Variants in PAM observed in about 807,000 individuals in gnomAD.
The protein encoded by PAM is peptidylglycine alpha-amidating monooxygenase.
Under a neutral mutation model 122.1 loss-of-function variants are expected in PAM, and 72 were observed. The observed-to-expected ratio is 0.59, with a 90% confidence interval of 0.49 to 0.72. The LOEUF (loss-of-function observed/expected upper bound fraction) is 0.72. Ranked by LOEUF, PAM falls within the 30% of genes least tolerant of loss-of-function variation. The probability of loss-of-function intolerance (pLI) is 0.00; values close to 1 mark genes in which losing one functional copy is unlikely to be tolerated. For synonymous variants in PAM, 389 were observed against 404.4 expected (o/e 0.96, Z 0.46); for missense variants, 1,106 against 1,183.7 (o/e 0.93, Z 0.96).
intron 15 of PAM, chr5:102,989,749 G>T (rs1169517493): frequency 6.6e-6 from 1 of 151,310 alleles, no homozygotes; most frequent in South Asian, 2.1e-4. Context: ...TTTATTATGG[G>T]GGCTATTTTA....
chr5:102,791,695 C>T (rs1027485069), intron 1 of PAM, among the ~76,000 whole-genome samples: 4 of 152,014 alleles, frequency 2.6e-5, no homozygotes, highest in Non-Finnish European at 4.4e-5. Context: ...AGATAGCTAA[C>T]TTTATTTGGG....
At chr5:102,919,005 C>G (rs1746425440) in intron 5 of PAM, among the ~76,000 whole-genome samples, 1 of 151,866 alleles carries the variant, frequency 6.6e-6, no homozygotes, top group African/African-American at 2.4e-5. Flanking sequence ...CTTAACAAAC[C>G]AAAGATGGCT....
chr5:102,907,548 C>G (rs1561843992), intron 4 of PAM, among the ~76,000 whole-genome samples: 2 of 151,114 alleles, frequency 1.3e-5, no homozygotes, highest in South Asian at 4.2e-4. Flanking sequence ...AATTGCCACA[C>G]TGACTTCCAC....
chr5:102,814,595 T>A (rs1644259), intron 1 of PAM, among the ~76,000 whole-genome samples: 43 of 141,554 alleles, frequency 3.0e-4, no homozygotes, highest in South Asian at 2.9e-3. Context: ...ACATATATAT[T>A]GATATATACA....
chr5:102,855,388 A>AT lies in PAM; in HGVS notation c.-373-10431dup, dbSNP rs537442486. 2.6e-3 allele frequency among the ~76,000 whole-genome samples: 389 copies of AT among 152,000 alleles called. 2 individuals carry two copies. The highest frequency in any genetic ancestry group is 8.9e-3 in the African/African-American group (369 of 41,476). On this transcript the variant is annotated intron_variant, in intron 1 of 25. Transcript: ENST00000438793. ...ATAATAGGAAAGAGTGTGTTTATGC[A>AT]TTTTGTTGTACAAATTTGAACATTT...
chr5:102,827,179 C>T (rs1773912594), intron 1 of PAM, among the ~76,000 whole-genome samples: 1 of 152,182 alleles, frequency 6.6e-6, no homozygotes, highest in African/African-American at 2.4e-5. Context: ...ATGCATTGAG[C>T]ATTCTTAATC....
chr5:102,930,722 A>G (rs186835569), intron 7 of PAM, among the ~76,000 whole-genome samples: 13 of 152,336 alleles, frequency 8.5e-5, no homozygotes, highest in African/African-American at 3.1e-4. Flanking sequence ...GGGCTTGAGT[A>G]CATGGAAAAG....
At chr5:102,992,529 T>C (rs1206216712) in intron 16 of PAM, among the ~76,000 whole-genome samples, 1 of 152,138 alleles carries the variant, frequency 6.6e-6, no homozygotes, top group Non-Finnish European at 1.5e-5. Context: ...AAGAACAAAT[T>C]AGATTCAGGC....
intron 4 of PAM, 76 bp from the exon 5 acceptor site, chr5:102,913,858 C>G (rs1802298747): frequency 1.2e-6 from 1 of 830,476 alleles, no homozygotes; most frequent in East Asian, 2.4e-5. Flanking sequence ...TTGAACTGTT[C>G]AAAGATGTAT....
intron 7 of PAM, among the ~76,000 whole-genome samples, chr5:102,935,275 T>C (rs1752892598): frequency 6.6e-6 from 1 of 152,094 alleles, no homozygotes; most frequent in Non-Finnish European, 1.5e-5. Context: ...TTTTCTTTTT[T>C]TTTTGGACAA....
intron 15 of PAM, among the ~76,000 whole-genome samples, chr5:102,984,698 C>T (rs1408948837): frequency 1.3e-5 from 2 of 152,048 alleles, no homozygotes; most frequent in Non-Finnish European, 2.9e-5. Flanking sequence ...AGAAAATAAA[C>T]ATTGGATTGA....
At chr5:102,938,552 T>C (rs1239969726) in intron 7 of PAM, among the ~76,000 whole-genome samples, 1 of 152,162 alleles carries the variant, frequency 6.6e-6, no homozygotes, top group African/African-American at 2.4e-5. Context: ...TACATTTAGT[T>C]CTTCTAGTTT....
chr5:102,890,212 C>T (rs1473794033), intron 3 of PAM, among the ~76,000 whole-genome samples: 2 of 151,696 alleles, frequency 1.3e-5, no homozygotes, highest in South Asian at 2.1e-4. Context: ...GAGTTTTTGG[C>T]AAGAATGTTT....
At chr5:102,913,503 T>C (rs10463553) in intron 4 of PAM, among the ~76,000 whole-genome samples, 40,919 of 151,856 alleles carry the variant, frequency 0.27, 5,901 homozygotes, top group East Asian at 0.43. Flanking sequence ...ATTTGTGTTA[T>C]GAATTTTTGT....
intron 1 of PAM, among the ~76,000 whole-genome samples, chr5:102,847,795 T>C (rs555628464): frequency 1.2e-4 from 19 of 152,306 alleles, no homozygotes; most frequent in African/African-American, 4.3e-4. Context: ...CAATTAAAAC[T>C]GAAATCGGTC....
chr5:102,784,156 G>C (rs1759850764), intron 1 of PAM, among the ~76,000 whole-genome samples: 1 of 151,792 alleles, frequency 6.6e-6, no homozygotes, highest in Non-Finnish European at 1.5e-5. Flanking sequence ...GACTCCCAAA[G>C]TGCTGGGATT....
intron 12 of PAM, among the ~76,000 whole-genome samples, chr5:102,958,421 T>C (rs2150194739): frequency 6.6e-6 from 1 of 152,314 alleles, no homozygotes; most frequent in African/African-American, 2.4e-5. Context: ...AAGGATAATA[T>C]GGCGGGAGGC....
At chr5:102,846,264 A>C (rs1436498739) in intron 1 of PAM, among the ~76,000 whole-genome samples, 1 of 152,176 alleles carries the variant, frequency 6.6e-6, no homozygotes, top group East Asian at 1.9e-4. Flanking sequence ...CTTGTAAAAC[A>C]CACATGGGAT....
At chr5:102,937,771 T>C (rs1279418063) in intron 7 of PAM, among the ~76,000 whole-genome samples, 1 of 152,162 alleles carries the variant, frequency 6.6e-6, no homozygotes, top group Non-Finnish European at 1.5e-5. Context: ...TTCATATTGG[T>C]TTTCTAGTTT....
Sources: gnomAD v4.1 joint callset for allele counts (sites outside exome capture counted in the v4.1 genomes callset) on GRCh38, gnomAD v4.1.1 for gene constraint, MANE v1.5 for transcripts, NCBI Gene and HGNC (gene_info 2026-07-23, HGNC 2026-07-21) for gene names.